The following PLSCR2 variants were observed in gnomAD, a reference collection of about 807,000 sequenced individuals.
PLSCR2 encodes phospholipid scramblase 2.
In PLSCR2, 18 loss-of-function variants were observed where a neutral mutation model predicts 25.3. The ratio of observed to expected loss-of-function variants is 0.71; its 90% CI spans 0.49 to 1.06. The LOEUF (loss-of-function observed/expected upper bound fraction) is 1.06, where lower values mean the gene tolerates loss of function less well. Among genes scored for constraint, PLSCR2 ranks in the 50% least tolerant of loss-of-function variants. The probability of loss-of-function intolerance (pLI) is 0.00; values close to 1 mark genes in which losing one functional copy is unlikely to be tolerated. For missense variants in PLSCR2, 243 were observed against 269.5 expected, an observed-to-expected ratio of 0.90 and a Z score of 0.69; for synonymous variants, 88 against 87.3, an observed-to-expected ratio of 1.01 and a Z score of -0.04.
At chr3:146,495,431 A>G (rs1281306701) in intron 1 of PLSCR2, among the ~76,000 whole-genome samples, 2 of 152,222 alleles carry the variant, frequency 1.3e-5, no homozygotes, top group Non-Finnish European at 2.9e-5. Flanking sequence ...GACTGAATAT[A>G]TCTTTCTGAA....
chr3:146,463,457 T>C (rs2041720565), upstream of PLSCR2, among the ~76,000 whole-genome samples: 2 of 152,188 alleles, frequency 1.3e-5, no homozygotes, highest in Admixed American at 6.5e-5. Flanking sequence ...GCCCTGCCTA[T>C]ACTTGGTATT....
intron 1 of PLSCR2, among the ~76,000 whole-genome samples, chr3:146,471,048 T>G (rs200291359): frequency 7.9e-3 from 1 of 126 alleles, no homozygotes; most frequent in Non-Finnish European, 0.1. Context: ...TGTTTTTTTG[T>G]TTTTTTTTTA....
At chr3:146,413,168 G>A (rs969241038) in intron 2 of PLSCR2, among the ~76,000 whole-genome samples, 1 of 152,102 alleles carries the variant, frequency 6.6e-6, no homozygotes, top group African/African-American at 2.4e-5. Context: ...AACATTTGGT[G>A]CTCCTGGAAC....
chr3:146,449,296 T>C (rs1235179188), exon 6 of PLSCR2: 1 of 1,611,768 alleles, frequency 6.2e-7, no homozygotes, highest in Non-Finnish European at 8.5e-7. Flanking sequence ...CATCAGTAAA[T>C]GCCTCTCTTA....
intron 1 of PLSCR2, among the ~76,000 whole-genome samples, chr3:146,480,086 C>T (rs188098129): frequency 3.3e-5 from 5 of 152,022 alleles, no homozygotes; most frequent in East Asian, 3.9e-4. Context: ...CATTCAAAGC[C>T]GTATGTAGAG....
intron 1 of PLSCR2, among the ~76,000 whole-genome samples, chr3:146,483,848 C>T (rs2108547643): frequency 6.7e-6 from 1 of 150,128 alleles, no homozygotes; most frequent in Non-Finnish European, 1.5e-5. Flanking sequence ...AAGAAAAAAA[C>T]ACTAAAAATG....
chr3:146,458,200 C>A (rs1049144817), intron 3 of PLSCR2, among the ~76,000 whole-genome samples: 1 of 152,066 alleles, frequency 6.6e-6, no homozygotes, highest in South Asian at 2.1e-4. Flanking sequence ...GTAGAACCCA[C>A]GGATAGGAAG....
chr3:146,429,266 C>T (rs1195424781), downstream of PLSCR2, among the ~76,000 whole-genome samples: 3 of 152,104 alleles, frequency 2.0e-5, no homozygotes, highest in African/African-American at 7.2e-5. Context: ...TTAGAGGGCT[C>T]AGAAGAAGAC....
intron 2 of PLSCR2, among the ~76,000 whole-genome samples, chr3:146,427,272 C>G (rs187428147): frequency 6.6e-6 from 1 of 152,042 alleles, no homozygotes; most frequent in Admixed American, 6.6e-5. Flanking sequence ...ATATTAGTTC[C>G]TAGAGAACAA....
At chr3:146,453,873 T>C (rs917271675) in intron 5 of PLSCR2, 129 bp downstream of exon 5, 6 of 650,170 alleles carry the variant, frequency 9.2e-6, no homozygotes, top group Non-Finnish European at 9.5e-6. Flanking sequence ...CAAAGTTAAA[T>C]ATATGGGAAC....
At chr3:146,460,902 T>C (rs545023750), upstream of PLSCR2, among the ~76,000 whole-genome samples, 2 of 152,334 alleles carry the variant, frequency 1.3e-5, no homozygotes, top group East Asian at 3.9e-4. Flanking sequence ...AAACATCAAT[T>C]ATGATATTGC....
At chr3:146,454,812 A>G (rs1014441547) in intron 4 of PLSCR2, among the ~76,000 whole-genome samples, 13 of 152,158 alleles carry the variant, frequency 8.5e-5, no homozygotes, top group African/African-American at 3.1e-4. Flanking sequence ...TTTGTCCCTT[A>G]CTAGGTTGGC....
intron 2 of PLSCR2, among the ~76,000 whole-genome samples, chr3:146,412,410 A>T (rs1296548061): frequency 6.6e-6 from 1 of 151,994 alleles, no homozygotes; most frequent in Non-Finnish European, 1.5e-5. Context: ...TCCACAGCTC[A>T]TTTGCTCTGC....
At chr3:146,394,349 C>A (rs1188363496) in intron 3 of PLSCR2, among the ~76,000 whole-genome samples, 2 of 152,052 alleles carry the variant, frequency 1.3e-5, no homozygotes, top group East Asian at 1.9e-4. Flanking sequence ...CTCACCGCAA[C>A]CTCTGCCTCC....
rs57913998 is a variant in PLSCR2, at chr3:146,411,915, T to C, written c.101-15994A>G. On this transcript the variant is annotated intron_variant and NMD_transcript_variant, in intron 2 of 3. Coordinates refer to the PLSCR2 transcript ENST00000463633. ...GGGTGTTATCAATTAGACGAATTCT[T>C]GGGAATTGCGGATACAGCTTGCCAC... Among the ~76,000 whole-genome samples the C allele has an allele frequency of 2.6e-5, 4 of 152,266 alleles. No individual in the cohort carries two copies. The East Asian group carries it at 7.7e-4, about 29-fold the overall frequency.
At chr3:146,399,210 C>G (rs1027902521) in intron 2 of PLSCR2, among the ~76,000 whole-genome samples, 10 of 151,854 alleles carry the variant, frequency 6.6e-5, no homozygotes, top group African/African-American at 2.4e-4. Context: ...ACTCAATATG[C>G]CAAGCACTTT....
At chr3:146,437,559 T>C (rs1393243444), downstream of PLSCR2, among the ~76,000 whole-genome samples, 2 of 152,188 alleles carry the variant, frequency 1.3e-5, no homozygotes, top group Non-Finnish European at 2.9e-5. Flanking sequence ...TTTATTTGCA[T>C]AGAGGTGTTT....
intron 1 of PLSCR2, among the ~76,000 whole-genome samples, chr3:146,493,304 C>G (rs1256419771): frequency 1.3e-5 from 2 of 152,146 alleles, no homozygotes; most frequent in African/African-American, 2.4e-5. Flanking sequence ...AGGAGGCCAG[C>G]ATTATTCTCA....
chr3:146,454,737 GAT>G (rs1480870428), intron 4 of PLSCR2, among the ~76,000 whole-genome samples: 1 of 152,132 alleles, frequency 6.6e-6, no homozygotes, highest in Non-Finnish European at 1.5e-5. Context: ...AGATGACATA[GAT>G]ATGTACGTTT....
Sources: allele counts gnomAD v4.1 joint callset (sites outside exome capture counted in the v4.1 genomes callset), GRCh38; gene constraint gnomAD v4.1.1; transcripts MANE v1.5; gene names NCBI Gene and HGNC (gene_info 2026-07-23, HGNC 2026-07-21).